IL6ST: variants seen among roughly 807,000 people sequenced by gnomAD.
IL6ST encodes the protein interleukin 6 cytokine family signal transducer.
Under a neutral mutation model 91.3 loss-of-function variants are expected in IL6ST, and 24 were observed. That is an observed-to-expected ratio of 0.26 (90% CI 0.19 to 0.37). IL6ST has a LOEUF of 0.37. Ranked by LOEUF, IL6ST falls within the 10% of genes least tolerant of loss-of-function variation. The probability of loss-of-function intolerance (pLI) is 1.00; values close to 1 mark genes in which losing one functional copy is unlikely to be tolerated. For missense variants in IL6ST, 914 were observed against 1,078.5 expected, an observed-to-expected ratio of 0.85 and a Z score of 2.14; for synonymous variants, 351 against 373.6, an observed-to-expected ratio of 0.94 and a Z score of 0.70.
At chr5:55,976,953 C>A (rs1014494366) in intron 2 of IL6ST, among the ~76,000 whole-genome samples, 1 of 152,166 alleles carries the variant, frequency 6.6e-6, no homozygotes, top group African/African-American at 2.4e-5. Flanking sequence ...GGTATTTCCA[C>A]TCCAAAGAGC....
intron 11 of IL6ST, among the ~76,000 whole-genome samples, chr5:55,952,835 G>A (rs1309323971): frequency 3.9e-5 from 6 of 152,174 alleles, no homozygotes; most frequent in African/African-American, 1.4e-4. Context: ...GTTAAGGTGG[G>A]AGGATCACTT....
At chr5:55,943,994 C>T (rs1751081491) in intron 15 of IL6ST, among the ~76,000 whole-genome samples, 1 of 152,118 alleles carries the variant, frequency 6.6e-6, no homozygotes, top group African/African-American at 2.4e-5. Context: ...AGGAGAATTG[C>T]TTGAACCCAG....
At chr5:55,948,936 T>C (rs914720309) in intron 14 of IL6ST, 2 of 152,184 alleles carry the variant, frequency 1.3e-5, no homozygotes, top group East Asian at 1.9e-4. Flanking sequence ...AAGGTCCTCG[T>C]TGGCAAGACT....
intron 5 of IL6ST, 45 bp downstream of exon 5, chr5:55,968,231 C>A: frequency 6.8e-7 from 1 of 1,471,476 alleles, no homozygotes; most frequent in Non-Finnish European, 9.2e-7. Context: ...GCAAAAATGA[C>A]TAACTTTAAT....
At chr5:55,983,425 T>C (rs1056479736) in intron 1 of IL6ST, among the ~76,000 whole-genome samples, 1 of 152,198 alleles carries the variant, frequency 6.6e-6, no homozygotes, top group Non-Finnish European at 1.5e-5. Context: ...CAATCACATA[T>C]TTCTTCTTCT....
At chr5:55,978,377 G>GT (rs1180676014) in intron 2 of IL6ST, 4 of 152,210 alleles carry the variant, frequency 2.6e-5, no homozygotes, top group East Asian at 1.9e-4. Context: ...TTTGAAGACT[G>GT]TAAGTAAGCC....
chr5:55,941,628 A>T lies in IL6ST; in HGVS notation c.2211T>A (p.Ser737=), dbSNP rs768990057. ...CATCACTGCTAGAAATGCTTGGCCT[A>T]GAAGATGACATGCATGAAGACCCCC... is the stretch of plus-strand genomic sequence containing the variant. The part of the protein sequence containing the change: ...GIGGSSCMSS[S]RPSISSSDEN... The change falls in exon 17 of 17, where the codon TCT becomes TCA. Residue 737 remains serine, a synonymous_variant. Coordinates refer to ENST00000381298, the MANE Select transcript of IL6ST (RefSeq NM_002184.4). 2 of 1,614,160 alleles carry T rather than the reference A, an allele frequency of 1.2e-6. No homozygotes were observed. Among genetic ancestry groups the T allele is most frequent in the Admixed American group, 3.3e-5 (2 of 60,028 alleles).
Position 55,937,094 on chromosome 5 carries a change from C to G in IL6ST, c.*3988G>C, listed in dbSNP as rs1750578441. On this transcript the variant is annotated 3_prime_UTR_variant, in exon 17 of 17. Coordinates refer to ENST00000381298, the MANE Select transcript of IL6ST (RefSeq NM_002184.4). Reference sequence around the variant, plus strand: ...GTATTAATGTAACAGCACTTAAAACCTGTAGTTATCATTCAAAGCTTGTGT... The same window carrying G: ...GTATTAATGTAACAGCACTTAAAACGTGTAGTTATCATTCAAAGCTTGTGT... 4.9e-6 allele frequency: 1 copy of G among 204,348 alleles called. No homozygotes were observed. The highest frequency in any genetic ancestry group is 1.0e-5 in the Non-Finnish European group (1 of 99,614). 12.7% of individuals were successfully genotyped at this position (204,348 alleles called of 1,614,324 possible). A position where few individuals can be genotyped will look rare whatever the true frequency, so the allele number is the denominator to read the frequency against.
chr5:55,941,440 T>C lies in IL6ST; in HGVS notation c.2399A>G (p.Asp800Gly), dbSNP rs562550899. Residue 800 changes from aspartate to glycine, a missense_variant, in exon 17 of 17, where the codon GAT (aspartate) becomes GGT (glycine). Transcript: ENST00000381298. ...EERPEDLQLV[D>G]HVDGGDGILP... ...AATACCATCACCGCCATCTACATGATCTACTAATTGTAGATCTTCTGGCCG... is the reference window on the plus strand; with the variant it reads ...AATACCATCACCGCCATCTACATGACCTACTAATTGTAGATCTTCTGGCCG... 6.2e-7 allele frequency: 1 copy of C among 1,614,224 alleles called. No individual in the cohort carries two copies. Among genetic ancestry groups the C allele is most frequent in the Non-Finnish European group, 8.5e-7 (1 of 1,180,016 alleles).
At chr5:55,985,085 T>C (rs973982588) in intron 1 of IL6ST, among the ~76,000 whole-genome samples, 1 of 152,212 alleles carries the variant, frequency 6.6e-6, no homozygotes, top group African/African-American at 2.4e-5. Context: ...AGAAAATGGA[T>C]TTACGCATTA....
At chr5:55,971,764 G>T (rs1431053687) in intron 3 of IL6ST, among the ~76,000 whole-genome samples, 1 of 152,128 alleles carries the variant, frequency 6.6e-6, no homozygotes. Flanking sequence ...AGCCCAAGAG[G>T]TCAAGGCTGC....
At chr5:55,974,982 C>T (rs908734756) in intron 3 of IL6ST, among the ~76,000 whole-genome samples, 4 of 150,916 alleles carry the variant, frequency 2.7e-5, no homozygotes, top group East Asian at 1.9e-4. Context: ...CACACACACA[C>T]GTACACATAA....
At chr5:55,984,109 G>A (rs1753818418) in intron 1 of IL6ST, among the ~76,000 whole-genome samples, 1 of 151,736 alleles carries the variant, frequency 6.6e-6, no homozygotes, top group African/African-American at 2.4e-5. Flanking sequence ...TGGGCTTTAA[G>A]TTCTCTCTTG....
rs70995750 is a variant in IL6ST at position 55,950,535 on chromosome 5, CAAAAAAA to C, written c.1840+922_1840+928del. ...TGGGTGACAGAGCGAGACTCTGTCTCAAAAAAAAAAAAAAAAAAAAAAAAAGCAAAAA... is the reference window on the plus strand; with the variant it reads ...TGGGTGACAGAGCGAGACTCTGTCTCAAAAAAAAAAAAAAAAAAGCAAAAA... On this transcript the variant is annotated intron_variant, in intron 14 of 16. Coordinates refer to ENST00000381298, the MANE Select transcript of IL6ST (RefSeq NM_002184.4). 4.0e-3 allele frequency among the ~76,000 whole-genome samples: 117 copies of C among 29,370 alleles called. 1 individual carries two copies. In the South Asian group the frequency reaches 0.089, roughly 22 times the overall value. The allele number at this position is 29,370 out of a possible 152,430, so 19.3% of individuals were successfully genotyped here. A position where few individuals can be genotyped will look rare whatever the true frequency, so the allele number is the denominator to read the frequency against.
At position 55,938,393 on chromosome 5, in the gene IL6ST, T is replaced by C; in HGVS notation, c.*2689A>G. 5.3e-6 allele frequency: 1 copy of C among 190,422 alleles called. No individual in the cohort carries two copies. Among genetic ancestry groups the C allele is most frequent in the Non-Finnish European group, 1.1e-5 (1 of 90,700 alleles). 11.8% of individuals were successfully genotyped at this position (190,422 alleles called of 1,614,324 possible). A position where few individuals can be genotyped will look rare whatever the true frequency, so the allele number is the denominator to read the frequency against. On this transcript the variant is annotated 3_prime_UTR_variant, in exon 17 of 17. Coordinates refer to ENST00000381298, the MANE Select transcript of IL6ST (RefSeq NM_002184.4). ...TGAAGTTTTATAGTTTTCTAATAAT[T>C]ATTCAGTATTATCCCTTTCAGAGAT...
chr5:55,954,010 T>C (rs773660520), intron 11 of IL6ST, among the ~76,000 whole-genome samples: 3 of 152,116 alleles, frequency 2.0e-5, no homozygotes, highest in Non-Finnish European at 2.9e-5. Context: ...GAAGTTTCTA[T>C]AGTTATTTCC....
intron 3 of IL6ST, among the ~76,000 whole-genome samples, chr5:55,975,155 C>T (rs773676529): frequency 1.3e-5 from 2 of 152,040 alleles, no homozygotes; most frequent in African/African-American, 2.4e-5. Flanking sequence ...TGTGTCCCCA[C>T]CCAAATCTCA....
intron 6 of IL6ST, among the ~76,000 whole-genome samples, chr5:55,963,757 T>C (rs901176366): frequency 2.6e-5 from 4 of 152,196 alleles, no homozygotes; most frequent in Non-Finnish European, 5.9e-5. Flanking sequence ...AAGACAAATA[T>C]TTATGATATC....
intron 2 of IL6ST, 73 bp from the exon 3 acceptor site, chr5:55,976,366 G>T: frequency 2.7e-6 from 2 of 737,460 alleles, no homozygotes; most frequent in Non-Finnish European, 4.2e-6. Context: ...ACACAATCTT[G>T]TTTCCATGCT....
Sources: allele counts gnomAD v4.1 joint callset (sites outside exome capture counted in the v4.1 genomes callset), GRCh38; gene constraint gnomAD v4.1.1; transcripts MANE v1.5; gene names NCBI Gene and HGNC (gene_info 2026-07-23, HGNC 2026-07-21).